The following NTM variants were observed in gnomAD, a reference collection of about 807,000 sequenced individuals.
NTM encodes the protein IgLON family member 2.
A neutral mutation model predicts 42.1 loss-of-function variants in NTM; 13 were observed. The ratio of observed to expected loss-of-function variants is 0.31; its 90% CI spans 0.20 to 0.49. NTM has a LOEUF of 0.49. Among genes scored for constraint, NTM ranks in the 20% least tolerant of loss-of-function variants. The probability of loss-of-function intolerance (pLI) is 0.99; values close to 1 mark genes in which losing one functional copy is unlikely to be tolerated. For synonymous variants in NTM, 187 were observed against 179.2 expected (o/e 1.04, Z -0.35); for missense variants, 373 against 452.8 (o/e 0.82, Z 1.60).
intron 1 of NTM, among the ~76,000 whole-genome samples, chr11:131,703,902 G>A (rs1171002352): frequency 6.6e-6 from 1 of 151,964 alleles, no homozygotes; most frequent in Non-Finnish European, 1.5e-5. Flanking sequence ...TGCCTCGATG[G>A]CCCCGGGCCC....
At chr11:131,982,200 C>T (rs1311123604) in intron 2 of NTM, among the ~76,000 whole-genome samples, 1 of 152,174 alleles carries the variant, frequency 6.6e-6, no homozygotes. Context: ...GACTTGGAGG[C>T]AGCAACACAC....
intron 1 of NTM, chr11:131,662,246 TC>T (rs1386908255): frequency 6.6e-6 from 1 of 152,192 alleles, no homozygotes; most frequent in Non-Finnish European, 1.5e-5. Context: ...AAACCCAGCT[TC>T]CCCCTCTAAA....
chr11:132,079,205 G>A (rs1825520969), intron 2 of NTM, among the ~76,000 whole-genome samples: 1 of 152,200 alleles, frequency 6.6e-6, no homozygotes, highest in Admixed American at 6.5e-5. Flanking sequence ...ATACTAATCA[G>A]TAGCCGACAC....
At chr11:131,679,951 G>T (rs1455188668) in intron 1 of NTM, among the ~76,000 whole-genome samples, 6 of 152,162 alleles carry the variant, frequency 3.9e-5, no homozygotes, top group African/African-American at 1.4e-4. Context: ...GTCATGCAAA[G>T]GTGAATCTAC....
chr11:131,596,162 G>A (rs934055276), intron 1 of NTM, among the ~76,000 whole-genome samples: 30 of 152,212 alleles, frequency 2.0e-4, no homozygotes, highest in Non-Finnish European at 4.0e-4. Flanking sequence ...CCGAGGTGCT[G>A]TTGACCTGAC....
At chr11:132,235,538 C>G (rs974151589) in intron 4 of NTM, among the ~76,000 whole-genome samples, 1 of 152,162 alleles carries the variant, frequency 6.6e-6, no homozygotes, top group African/African-American at 2.4e-5. Context: ...AGTTCTATTT[C>G]TTTCCTACTT....
At chr11:131,657,001 G>C (rs1695065619) in intron 1 of NTM, among the ~76,000 whole-genome samples, 1 of 152,054 alleles carries the variant, frequency 6.6e-6, no homozygotes, top group African/African-American at 2.4e-5. Flanking sequence ...CCTGGCTCTG[G>C]AACTGAGGGG....
intron 2 of NTM, among the ~76,000 whole-genome samples, chr11:132,092,720 T>G (rs2060514778): frequency 1.3e-5 from 2 of 152,170 alleles, no homozygotes; most frequent in Non-Finnish European, 1.5e-5. Flanking sequence ...TCTACAGACC[T>G]CTCAAATTCA....
intron 2 of NTM, among the ~76,000 whole-genome samples, chr11:132,133,245 T>C (rs2067159546): frequency 6.6e-6 from 1 of 152,184 alleles, no homozygotes; most frequent in African/African-American, 2.4e-5. Flanking sequence ...TAGACTAGGC[T>C]GGGTTCCTCC....
intron 1 of NTM, among the ~76,000 whole-genome samples, chr11:131,665,050 G>A (rs1043205124): frequency 6.6e-6 from 1 of 152,038 alleles, no homozygotes; most frequent in African/African-American, 2.4e-5. Context: ...AGGGAGAACC[G>A]TGCTCTAAAT....
At chr11:131,682,221 G>C (rs1446720795) in intron 1 of NTM, among the ~76,000 whole-genome samples, 1 of 152,198 alleles carries the variant, frequency 6.6e-6, no homozygotes, top group African/African-American at 2.4e-5. Flanking sequence ...GCTACTGATG[G>C]AGGCAGCCCT....
intron 2 of NTM, among the ~76,000 whole-genome samples, chr11:131,962,383 T>C (rs906997519): frequency 6.6e-6 from 1 of 152,192 alleles, no homozygotes; most frequent in Non-Finnish European, 1.5e-5. Flanking sequence ...CTCAATGGGA[T>C]AGTTTTGGGA....
intron 1 of NTM, among the ~76,000 whole-genome samples, chr11:131,544,634 C>T (rs551163212): frequency 1.7e-3 from 261 of 152,274 alleles, no homozygotes; most frequent in African/African-American, 6.2e-3. Flanking sequence ...ATGTTTTCTT[C>T]TCTGAGTTCC....
chr11:131,677,908 C>CTA (rs1284372903), intron 1 of NTM, among the ~76,000 whole-genome samples: 2 of 152,170 alleles, frequency 1.3e-5, no homozygotes, highest in Non-Finnish European at 2.9e-5. Context: ...GCAAGCCCTA[C>CTA]TATAAAGTCA....
intron 1 of NTM, among the ~76,000 whole-genome samples, chr11:131,791,827 T>C (rs1054143084): frequency 6.6e-6 from 1 of 152,204 alleles, no homozygotes; most frequent in Non-Finnish European, 1.5e-5. Flanking sequence ...GAGTTTGAAG[T>C]GAGGTTCTGA....
At chr11:131,547,973 T>A (rs967578969) in intron 1 of NTM, among the ~76,000 whole-genome samples, 4 of 152,166 alleles carry the variant, frequency 2.6e-5, no homozygotes, top group African/African-American at 7.2e-5. Flanking sequence ...TTTTCAATCA[T>A]ACCAAGAAGA....
At chr11:131,892,220 G>C (rs980542823) in intron 1 of NTM, among the ~76,000 whole-genome samples, 2 of 152,006 alleles carry the variant, frequency 1.3e-5, no homozygotes. Flanking sequence ...TCACTCATCT[G>C]TCAAATGGGA....
chr11:131,565,148 T>C (rs114597482), intron 1 of NTM, among the ~76,000 whole-genome samples: 1 of 152,176 alleles, frequency 6.6e-6, no homozygotes, highest in East Asian at 1.9e-4. Flanking sequence ...ACCCCAACAC[T>C]GTCCCCTGTG....
chr11:131,813,716 A>G (rs566168035), intron 1 of NTM, among the ~76,000 whole-genome samples: 6 of 152,330 alleles, frequency 3.9e-5, no homozygotes, highest in Admixed American at 1.3e-4. Context: ...TCTACAAATC[A>G]TCTTTTCTTT....
Sources: gnomAD v4.1 joint callset for allele counts (sites outside exome capture counted in the v4.1 genomes callset) on GRCh38, gnomAD v4.1.1 for gene constraint, MANE v1.5 for transcripts, NCBI Gene and HGNC (gene_info 2026-07-23, HGNC 2026-07-21) for gene names.